Variants in LDLRAD4 observed in about 807,000 individuals in gnomAD.
The protein encoded by LDLRAD4 is low density lipoprotein receptor class A domain containing 4, also known as low-density lipoprotein receptor class A domain-containing protein 4.
LDLRAD4 carries 5 observed loss-of-function variants against 17.0 expected under a neutral mutation model. That is an observed-to-expected ratio of 0.29 (90% CI 0.15 to 0.62). LDLRAD4 has a LOEUF of 0.62. Ranked by LOEUF, LDLRAD4 falls within the 20% of genes least tolerant of loss-of-function variation. The pLI is 0.84. For synonymous variants in LDLRAD4, 168 were observed against 171.8 expected (o/e 0.98, Z 0.17); for missense variants, 340 against 424.7 (o/e 0.80, Z 1.75).
intron 1 of LDLRAD4, among the ~76,000 whole-genome samples, chr18:13,229,772 G>A (rs1054402866): frequency 1.3e-5 from 2 of 152,102 alleles, no homozygotes; most frequent in Non-Finnish European, 1.5e-5. Context: ...GGACGTCCAC[G>A]CACTAGGCAT....
Position 13,440,052 on chromosome 18 carries a change from A to G in LDLRAD4, c.181+1668A>G, listed in dbSNP as rs2090926092. Among the ~76,000 whole-genome samples, 1 of 152,034 alleles carries G rather than the reference A, an allele frequency of 6.6e-6. No individual in the cohort carries two copies. Among genetic ancestry groups the G allele is most frequent in the African/African-American group, 2.4e-5 (1 of 41,370 alleles). ...AGGAGGTGAGTACAAGCAGCATCTT[A>G]CTCTGTTTTCTCTGGACTTGACTAA... On this transcript the variant is annotated intron_variant, in intron 3 of 5. Coordinates refer to ENST00000359446, the Ensembl canonical transcript of LDLRAD4. The surrounding 1 kb of genome is among the most constrained non-coding windows in gnomAD (Gnocchi z 4.4).
intron 1 of LDLRAD4, among the ~76,000 whole-genome samples, chr18:13,220,391 T>C (rs925298058): frequency 1.3e-5 from 2 of 152,194 alleles, no homozygotes; most frequent in Admixed American, 6.5e-5. Flanking sequence ...TGTATTTACA[T>C]TGGAGAAGAC....
intron 3 of LDLRAD4, among the ~76,000 whole-genome samples, chr18:13,468,237 T>G (rs1244974685): frequency 6.6e-6 from 1 of 152,220 alleles, no homozygotes; most frequent in East Asian, 1.9e-4. Context: ...TTGCAAGTCA[T>G]TTATCTGATG....
At chr18:13,455,581 C>T (rs1312139998) in intron 3 of LDLRAD4, among the ~76,000 whole-genome samples, 1 of 152,094 alleles carries the variant, frequency 6.6e-6, no homozygotes, top group Non-Finnish European at 1.5e-5. Context: ...GAGGGTGGGT[C>T]GTCATTCCCT....
At chr18:13,552,056 C>A (rs969186342) in intron 3 of LDLRAD4, among the ~76,000 whole-genome samples, 1 of 152,110 alleles carries the variant, frequency 6.6e-6, no homozygotes, top group Admixed American at 6.5e-5. Flanking sequence ...CACGAGGGAC[C>A]CACTGCATGA....
chr18:13,536,195 T>C (rs2094198957), intron 3 of LDLRAD4, among the ~76,000 whole-genome samples: 1 of 152,186 alleles, frequency 6.6e-6, no homozygotes, highest in Non-Finnish European at 1.5e-5. Flanking sequence ...AGGATTTTAA[T>C]TGCAGCTGCA....
chr18:13,600,919 GT>G (rs1383738949), intron 3 of LDLRAD4, among the ~76,000 whole-genome samples: 2 of 152,140 alleles, frequency 1.3e-5, no homozygotes, highest in African/African-American at 4.8e-5. Flanking sequence ...CTTTCCTGCT[GT>G]GGGTATTTAC....
intron 1 of LDLRAD4, among the ~76,000 whole-genome samples, chr18:13,340,634 A>G (rs955036559): frequency 1.3e-5 from 2 of 152,180 alleles, no homozygotes; most frequent in African/African-American, 2.4e-5. Flanking sequence ...ATATTAAACC[A>G]TAATCAGATA....
intron 3 of LDLRAD4, among the ~76,000 whole-genome samples, chr18:13,446,053 T>A (rs545168957): frequency 2.6e-4 from 39 of 152,316 alleles, no homozygotes; most frequent in African/African-American, 9.1e-4. Flanking sequence ...CAGTACATGC[T>A]CAGTAAGCAT....
intron 3 of LDLRAD4, among the ~76,000 whole-genome samples, chr18:13,584,401 G>A (rs1284403): frequency 0.25 from 38,204 of 152,050 alleles, 4,985 homozygotes; most frequent in Admixed American, 0.31. Context: ...CCTGAGCTGA[G>A]CTGTGATGAT....
At chr18:13,278,288 G>C (rs570974728) in intron 1 of LDLRAD4, 100 bp downstream of exon 2, 1 of 152,448 alleles carries the variant, frequency 6.6e-6, no homozygotes, top group Non-Finnish European at 1.5e-5. Context: ...GTCTGGCTGC[G>C]TTTGTTTTGA....
intron 1 of LDLRAD4, among the ~76,000 whole-genome samples, chr18:13,328,416 A>C (rs139203748): frequency 5.6e-4 from 86 of 152,280 alleles, no homozygotes; most frequent in Non-Finnish European, 1.1e-3. Context: ...TTCAGCATAA[A>C]TCCCTGTCTT....
chr18:13,581,856 CAT>C (rs1479009978), intron 3 of LDLRAD4, among the ~76,000 whole-genome samples: 4 of 151,994 alleles, frequency 2.6e-5, no homozygotes, highest in Non-Finnish European at 5.9e-5. Flanking sequence ...ACTGTACACT[CAT>C]GTGCAGAGCT....
rs1568213891 is a variant in LDLRAD4, at chr18:13,473,667, ATATATATATAT to A, written c.181+35284_181+35294del. 6.1e-4 allele frequency among the ~76,000 whole-genome samples: 69 copies of A among 113,678 alleles called. 3 individuals carry two copies. The Middle Eastern group carries it at 0.024, about 40-fold the overall frequency. 74.6% of individuals were successfully genotyped at this position (113,678 alleles called of 152,430 possible). A position where few individuals can be genotyped will look rare whatever the true frequency, so the allele number is the denominator to read the frequency against. ...TATATATATATATATATATATATAT[ATATATATATAT>A]AACGTTTACATTTTATATATATTTA... On this transcript the variant is annotated intron_variant, in intron 3 of 5. Transcript: ENST00000359446.
chr18:13,253,744 G>C lies in LDLRAD4; in HGVS notation c.-466-24361G>C, dbSNP rs2043351221. Among the ~76,000 whole-genome samples the C allele has an allele frequency of 3.9e-5, 6 of 152,312 alleles. No individual in the cohort carries two copies. In the South Asian group the frequency reaches 1.2e-3, roughly 32 times the overall value. On this transcript the variant is annotated intron_variant, in intron 1 of 5. Coordinates refer to the LDLRAD4 transcript ENST00000399848. ...TGCCATGTTTTATTTCTTTTCATTA[G>C]AATTAAGCTTAGGTTCTGGGTATCG...
intron 1 of LDLRAD4, among the ~76,000 whole-genome samples, chr18:13,304,143 A>G (rs2046772474): frequency 6.6e-6 from 1 of 152,156 alleles, no homozygotes; most frequent in Non-Finnish European, 1.5e-5. Flanking sequence ...CTCCCAGGCC[A>G]GGACCTGGGC....
At chr18:13,274,488 A>G (rs1405396530), upstream of LDLRAD4, among the ~76,000 whole-genome samples, 1 of 152,180 alleles carries the variant, frequency 6.6e-6, no homozygotes, top group Non-Finnish European at 1.5e-5. Context: ...GTGTCATGGA[A>G]CTGCTGTTTT....
chr18:13,232,509 T>C (rs935316833), intron 1 of LDLRAD4, among the ~76,000 whole-genome samples: 5 of 151,010 alleles, frequency 3.3e-5, no homozygotes, highest in East Asian at 1.9e-4. Flanking sequence ...CGTGCTGTGC[T>C]CCACAAGCCT....
At chr18:13,466,102 C>T (rs1351553457) in intron 3 of LDLRAD4, among the ~76,000 whole-genome samples, 3 of 152,046 alleles carry the variant, frequency 2.0e-5, no homozygotes, top group African/African-American at 7.2e-5. Context: ...AATGGTGCTC[C>T]GAGCATAATT....
Sources: gnomAD v4.1 joint callset for allele counts (sites outside exome capture counted in the v4.1 genomes callset) on GRCh38, gnomAD v4.1.1 for gene constraint, Gnocchi (gnomAD v3.1) non-coding constraint, MANE v1.5 for transcripts, NCBI Gene and HGNC (gene_info 2026-07-23, HGNC 2026-07-21) for gene names.